The following RASGEF1A variants were observed in gnomAD, a reference collection of about 807,000 sequenced individuals.
The protein encoded by RASGEF1A is RasGEF domain family member 1A.
Under a neutral mutation model 56.4 loss-of-function variants are expected in RASGEF1A, and 18 were observed. The observed-to-expected ratio is 0.32, with a 90% CI of 0.22 to 0.47. The LOEUF is 0.47. Among genes scored for constraint, RASGEF1A ranks in the 20% least tolerant of loss-of-function variants. RASGEF1A has a pLI of 1.00. For synonymous variants in RASGEF1A, 245 were observed against 242.6 expected, an observed-to-expected ratio of 1.01 and a Z score of -0.09; for missense variants, 422 against 627.1, an observed-to-expected ratio of 0.67 and a Z score of 3.49.
chr10:43,226,744 CAAG>C lies in RASGEF1A; in HGVS notation c.-6-20625_-6-20623del, dbSNP rs1438348724. Among the ~76,000 whole-genome samples the C allele has an allele frequency of 2.0e-5, 3 of 152,334 alleles. No homozygotes were observed. The East Asian group carries it at 5.8e-4, about 29-fold the overall frequency. On this transcript the variant is annotated intron_variant, in intron 1 of 12. Transcript: ENST00000395810. ...GACCTCAATTTCCCCAGATGTAAAA[CAAG>C]AAGTAGAGAGCCTGTACAGGCCACT...
chr10:43,217,745 A>G (rs773513142), intron 1 of RASGEF1A, among the ~76,000 whole-genome samples: 7 of 152,174 alleles, frequency 4.6e-5, no homozygotes, highest in Non-Finnish European at 8.8e-5. Context: ...GGTGCGCCAC[A>G]TCAGAGCCCC....
intron 1 of RASGEF1A, among the ~76,000 whole-genome samples, chr10:43,222,598 C>T (rs1385272957): frequency 1.3e-5 from 2 of 152,238 alleles, no homozygotes; most frequent in Non-Finnish European, 1.5e-5. Context: ...GCTCCACGCC[C>T]CTTCTCACAT....
intron 1 of RASGEF1A, among the ~76,000 whole-genome samples, chr10:43,240,930 G>A (rs1026440924): frequency 1.3e-5 from 2 of 152,150 alleles, no homozygotes; most frequent in African/African-American, 4.8e-5. Context: ...GAGCTGACAC[G>A]TTCAAAATAC....
intron 1 of RASGEF1A, among the ~76,000 whole-genome samples, chr10:43,235,947 C>T (rs897399565): frequency 3.9e-5 from 6 of 152,084 alleles, no homozygotes; most frequent in South Asian, 2.1e-4. Flanking sequence ...CATCACAAGG[C>T]TCTGGATACC....
chr10:43,209,845 G>T (rs2133193206), intron 1 of RASGEF1A, among the ~76,000 whole-genome samples: 1 of 152,198 alleles, frequency 6.6e-6, no homozygotes, highest in Admixed American at 6.5e-5. Context: ...ATGCTCTAAG[G>T]CCAGGTGTGG....
Position 43,248,366 on chromosome 10 carries a change from A to T in RASGEF1A, c.-7+18479T>A, listed in dbSNP as rs1462226034. On this transcript the variant is annotated intron_variant, in intron 1 of 12. Coordinates refer to ENST00000395810, the MANE Select transcript of RASGEF1A (RefSeq NM_145313.4). ...ATGAGACTATGAGACTCGGTCTTTAAAAAAAAAAAAAAAAAAAAAAAGAGG... is the reference window on the plus strand; with the variant it reads ...ATGAGACTATGAGACTCGGTCTTTATAAAAAAAAAAAAAAAAAAAAAGAGG... Among the ~76,000 whole-genome samples the T allele has an allele frequency of 4.9e-4, 6 of 12,126 alleles. No individual in the cohort carries two copies. The Admixed American group carries it at 6.8e-3, about 14-fold the overall frequency. The allele number at this position is 12,126 out of a possible 152,430, so 8.0% of individuals were successfully genotyped here. A position where few individuals can be genotyped will look rare whatever the true frequency, so the allele number is the denominator to read the frequency against.
chr10:43,199,297 G>T, intron 7 of RASGEF1A, 103 bp from the exon 8 acceptor site: 2 of 871,620 alleles, frequency 2.3e-6, no homozygotes, highest in Non-Finnish European at 3.7e-6. Context: ...TCGGGACTTA[G>T]CTTCTGGCCA....
intron 1 of RASGEF1A, among the ~76,000 whole-genome samples, chr10:43,252,767 C>T (rs908237571): frequency 1.3e-5 from 2 of 152,138 alleles, no homozygotes; most frequent in African/African-American, 2.4e-5. Context: ...AGCCCCTCCA[C>T]AGAGGCTTGC....
In RASGEF1A at chr10:43,196,282, G is replaced by A. The variant is rs760645333; in HGVS notation, c.1422-14C>T. The A allele has an allele frequency of 2.5e-6, 4 of 1,613,266 alleles. No homozygotes were observed. Among genetic ancestry groups the A allele is most frequent in the Non-Finnish European group, 3.4e-6 (4 of 1,179,628 alleles). On this transcript the variant is annotated splice_polypyrimidine_tract_variant and intron_variant, in intron 12 of 12. Coordinates refer to ENST00000395810, the MANE Select transcript of RASGEF1A (RefSeq NM_145313.4). This position sits in a 1 kb window ranked among gnomAD's most constrained non-coding sequence, Gnocchi z 4.6. ...AGAAGGGTGGTCCTAGAGGGGGACAGGACAAGCAGTGCTCAGGCCCGAGCA... is the reference window on the plus strand; with the variant it reads ...AGAAGGGTGGTCCTAGAGGGGGACAAGACAAGCAGTGCTCAGGCCCGAGCA...
At chr10:43,260,941 C>T (rs530184446) in intron 1 of RASGEF1A, among the ~76,000 whole-genome samples, 26 of 152,302 alleles carry the variant, frequency 1.7e-4, no homozygotes, top group East Asian at 9.6e-4. Flanking sequence ...GCACTGTAGT[C>T]GGAACACTTG....
chr10:43,221,553 G>A (rs1355251873), intron 1 of RASGEF1A, among the ~76,000 whole-genome samples: 4 of 152,254 alleles, frequency 2.6e-5, no homozygotes, highest in South Asian at 2.1e-4. Flanking sequence ...ACAGGGCTCC[G>A]GAGAAGGAGA....
intron 1 of RASGEF1A, among the ~76,000 whole-genome samples, chr10:43,260,724 C>T (rs1836513268): frequency 6.6e-6 from 1 of 152,170 alleles, no homozygotes; most frequent in South Asian, 2.1e-4. Flanking sequence ...TCCTGTACAA[C>T]TGGGCTCTCC....
chr10:43,227,361 C>G (rs2133207074), intron 1 of RASGEF1A, among the ~76,000 whole-genome samples: 1 of 151,620 alleles, frequency 6.6e-6, no homozygotes, highest in East Asian at 2.0e-4. Context: ...TGTGCTGTCC[C>G]CAGTGCCCCC....
intron 1 of RASGEF1A, among the ~76,000 whole-genome samples, chr10:43,254,897 G>T (rs1220365823): frequency 1.3e-5 from 2 of 152,184 alleles, no homozygotes; most frequent in African/African-American, 2.4e-5. Context: ...TCTGACATTG[G>T]GACCTCCTTG....
In RASGEF1A at chr10:43,238,096, C is replaced by CGG. The variant is rs5784590; in HGVS notation, c.-7+28747_-7+28748dup. ...TAGATTGAGACCCGCCTTTGGGGGG[C>CGG]GGAGGGAGGGGGGGTGCTGCAGATT... is the stretch of plus-strand genomic sequence containing the variant. On this transcript the variant is annotated intron_variant, in intron 1 of 12. Coordinates refer to ENST00000395810, the MANE Select transcript of RASGEF1A (RefSeq NM_145313.4). Among the ~76,000 whole-genome samples, 10 of 145,322 alleles carry CGG rather than the reference C, an allele frequency of 6.9e-5. No homozygotes were observed. The South Asian group carries it at 1.3e-3, about 19-fold the overall frequency.
intron 1 of RASGEF1A, among the ~76,000 whole-genome samples, chr10:43,233,082 C>T (rs1281434267): frequency 6.7e-6 from 1 of 148,896 alleles, no homozygotes; most frequent in Non-Finnish European, 1.5e-5. Context: ...TTCTCACTAA[C>T]ACAGCTGCAA....
Position 43,200,224 on chromosome 10 carries a change from C to T in RASGEF1A, c.714G>A (p.Leu238=), listed in dbSNP as rs778096427. ...DRVSSIYPED[L]MQIVSHMDSL... is the part of the protein sequence containing the mutation. ...AGTCCATGTGGCTGACGATCTGCAT[C>T]AAGTCCTCAGGGTAAATGCTGCTGA... is the stretch of plus-strand genomic sequence containing the variant. Residue 238 remains leucine (L), a synonymous_variant, in exon 6 of 13, where the codon TTG becomes TTA. Transcript: ENST00000395810. 1 of 1,607,804 alleles carries T rather than the reference C, an allele frequency of 6.2e-7. No individual in the cohort carries two copies. The highest frequency in any genetic ancestry group is 1.1e-5 in the South Asian group (1 of 89,776).
Position 43,203,556 on chromosome 10 carries a change from GT to G in RASGEF1A, c.199-137del, listed in dbSNP as rs139200357. ...CCGAGGCCATGCCTTCACCTGCCCG[GT>G]TCCCTTCGCCTTGCAGGCCCTTCCT... On this transcript the variant is annotated intron_variant, in intron 2 of 12. Transcript: ENST00000395810. The G allele has an allele frequency of 2.5e-3, 3,380 of 1,369,052 alleles. 74 individuals carry two copies. In the African/African-American group the frequency reaches 0.047, roughly 19 times the overall value. The allele number at this position is 1,369,052 out of a possible 1,614,324, so 84.8% of individuals were successfully genotyped here.
chr10:43,233,317 T>C (rs1016496675), intron 1 of RASGEF1A, among the ~76,000 whole-genome samples: 13 of 151,252 alleles, frequency 8.6e-5, no homozygotes, highest in African/African-American at 1.7e-4. Context: ...TGTGTGTGCG[T>C]GTGTGTGTGT....
Sources: gnomAD v4.1 joint callset for allele counts (sites outside exome capture counted in the v4.1 genomes callset) on GRCh38, gnomAD v4.1.1 for gene constraint, Gnocchi (gnomAD v3.1) non-coding constraint, MANE v1.5 for transcripts, NCBI Gene and HGNC (gene_info 2026-07-23, HGNC 2026-07-21) for gene names.